PGS1: variants seen among roughly 807,000 people sequenced by gnomAD.
The protein encoded by PGS1 is CDP-diacylglycerol--glycerol-3-phosphate 3-phosphatidyltransferase, mitochondrial.
Under a neutral mutation model 58.3 loss-of-function variants are expected in PGS1, and 44 were observed. The ratio of observed to expected loss-of-function variants is 0.75; its 90% CI spans 0.59 to 0.97. PGS1 has a LOEUF of 0.97. Ranked by LOEUF, PGS1 falls within the 50% of genes least tolerant of loss-of-function variation. PGS1 has a pLI of 0.00. For missense variants in PGS1, 684 were observed against 731.1 expected (o/e 0.94, Z 0.74); for synonymous variants, 330 against 311.0 (o/e 1.06, Z -0.64).
intron 1 of PGS1, among the ~76,000 whole-genome samples, chr17:78,387,806 C>T (rs1000754187): frequency 6.6e-6 from 1 of 151,530 alleles, no homozygotes; most frequent in African/African-American, 2.4e-5. Flanking sequence ...CTATGTTGCC[C>T]AAGTTGGTCT....
intron 5 of PGS1, 32 bp downstream of exon 5, chr17:78,399,569 C>G (rs755051333): frequency 6.2e-7 from 1 of 1,608,250 alleles, no homozygotes; most frequent in Non-Finnish European, 8.5e-7. Flanking sequence ...TGCTTTTGCC[C>G]TCCTGCTCTG....
rs932150494 is a variant in PGS1, at chr17:78,400,963, G to T, written c.880+108G>T. Reference sequence around the variant, plus strand: ...GCCACAGGCATAGGGGACTTGGGTGGCAAGGCTTCATTCTGCTTTTGTCCT... The same window carrying T: ...GCCACAGGCATAGGGGACTTGGGTGTCAAGGCTTCATTCTGCTTTTGTCCT... On this transcript the variant is annotated intron_variant, in intron 6 of 9. Coordinates refer to ENST00000262764, the MANE Select transcript of PGS1 (RefSeq NM_024419.5). The surrounding 1 kb of genome is among the most constrained non-coding windows in gnomAD (Gnocchi z 4.4). 2.2e-6 allele frequency: 2 copies of T among 927,900 alleles called. No homozygotes were observed. The highest frequency in any genetic ancestry group is 3.2e-6 in the Non-Finnish European group (2 of 632,098). 57.5% of individuals were successfully genotyped at this position (927,900 alleles called of 1,614,324 possible). A position where few individuals can be genotyped will look rare whatever the true frequency, so the allele number is the denominator to read the frequency against.
chr17:78,379,869 T>C (rs1420328124), intron 1 of PGS1, among the ~76,000 whole-genome samples: 1 of 147,526 alleles, frequency 6.8e-6, no homozygotes, highest in Non-Finnish European at 1.5e-5. Context: ...AGTTTTCTTT[T>C]CTTTTCTTTT....
chr17:78,387,995 C>T (rs2082535019), intron 1 of PGS1, among the ~76,000 whole-genome samples: 1 of 152,198 alleles, frequency 6.6e-6, no homozygotes. Flanking sequence ...CTTTTTTATG[C>T]ACCTTCCTTT....
intron 8 of PGS1, among the ~76,000 whole-genome samples, chr17:78,416,140 G>C (rs966662872): frequency 1.3e-5 from 2 of 152,158 alleles, no homozygotes; most frequent in Non-Finnish European, 2.9e-5. Flanking sequence ...TCACGACCAC[G>C]ACAGGCGCAA....
chr17:78,412,218 CT>C (rs1305424862), intron 7 of PGS1, among the ~76,000 whole-genome samples: 2 of 152,088 alleles, frequency 1.3e-5, no homozygotes, highest in Non-Finnish European at 2.9e-5. Context: ...ATGCTGTCTA[CT>C]TAGGGCTCCC....
At chr17:78,393,198 C>CT (rs2082958582) in intron 2 of PGS1, among the ~76,000 whole-genome samples, 1 of 152,010 alleles carries the variant, frequency 6.6e-6, no homozygotes, top group South Asian at 2.1e-4. Context: ...ATAGCTGGGA[C>CT]TACAGGCGCC....
chr17:78,424,038 C>A, intron 9 of PGS1, 23 bp from the exon 10 acceptor site: 2 of 1,613,938 alleles, frequency 1.2e-6, no homozygotes, highest in South Asian at 2.2e-5. Context: ...CATAGATGTT[C>A]TTGGTCTCCA....
chr17:78,378,948 G>A (rs2081833423), intron 1 of PGS1, 140 bp downstream of exon 1: 1 of 941,508 alleles, frequency 1.1e-6, no homozygotes, highest in Non-Finnish European at 1.5e-6. Context: ...GCCTCCCGGG[G>A]CTCGGCGCCT....
chr17:78,397,082 C>T (rs543211006), intron 3 of PGS1, among the ~76,000 whole-genome samples: 22 of 152,342 alleles, frequency 1.4e-4, no homozygotes, highest in East Asian at 7.7e-4. Flanking sequence ...TTGTTTCCCT[C>T]GGACTTGCTG....
chr17:78,391,769 C>T (rs573130236), intron 1 of PGS1, among the ~76,000 whole-genome samples: 43 of 152,192 alleles, frequency 2.8e-4, no homozygotes, highest in African/African-American at 1.0e-3. Flanking sequence ...TGAGCCACTG[C>T]ACCCAGCCTG....
Position 78,424,405 on chromosome 17 carries a change from T to C in PGS1, c.*355T>C. Reference sequence around the variant, plus strand: ...CTCGGGTTCCATCCGTTTAAATCTGTGGCATTTTCAGAGCCTCATCTGTCA... The same window carrying C: ...CTCGGGTTCCATCCGTTTAAATCTGCGGCATTTTCAGAGCCTCATCTGTCA... On this transcript the variant is annotated 3_prime_UTR_variant, in exon 10 of 10. Coordinates refer to ENST00000262764, the MANE Select transcript of PGS1 (RefSeq NM_024419.5). 2.2e-6 allele frequency: 1 copy of C among 451,174 alleles called. No homozygotes were observed. Among genetic ancestry groups the C allele is most frequent in the East Asian group, 3.5e-5 (1 of 28,868 alleles). 27.9% of individuals were successfully genotyped at this position (451,174 alleles called of 1,614,324 possible). A position where few individuals can be genotyped will look rare whatever the true frequency, so the allele number is the denominator to read the frequency against.
chr17:78,413,910 G>GC (rs531953666), intron 7 of PGS1, among the ~76,000 whole-genome samples: 13 of 152,294 alleles, frequency 8.5e-5, no homozygotes, highest in East Asian at 3.9e-4. Context: ...TCGTAGTGTG[G>GC]CCCCCCCTGC....
intron 9 of PGS1, 166 bp downstream of exon 9, chr17:78,419,841 A>G: frequency 7.2e-7 from 1 of 1,397,486 alleles, no homozygotes; most frequent in Non-Finnish European, 9.4e-7. Context: ...TCAAAGTTAG[A>G]AGCTGGATGC....
At chr17:78,399,574 G>A (rs748281183) in intron 5 of PGS1, 37 bp downstream of exon 5, 7 of 1,602,202 alleles carry the variant, frequency 4.4e-6, no homozygotes, top group Admixed American at 1.7e-5. Context: ...TTGCCCTCCT[G>A]CTCTGCAGGC....
At chr17:78,415,281 C>T (rs1274606950) in intron 8 of PGS1, among the ~76,000 whole-genome samples, 6 of 152,204 alleles carry the variant, frequency 3.9e-5, no homozygotes. Context: ...CTAGGGGAGA[C>T]CACCATTTTC....
chr17:78,410,421 T>A (rs1170500585), intron 7 of PGS1, among the ~76,000 whole-genome samples: 1 of 141,778 alleles, frequency 7.1e-6, no homozygotes, highest in Non-Finnish European at 1.5e-5. Flanking sequence ...AAGACGAAAC[T>A]CTGTCTCAAA....
chr17:78,419,017 G>T (rs1239321275), intron 8 of PGS1, among the ~76,000 whole-genome samples: 2 of 148,678 alleles, frequency 1.3e-5, no homozygotes, highest in Non-Finnish European at 3.0e-5. Context: ...AGCCTTTTGG[G>T]TTTTTTTTTT....
intron 3 of PGS1, among the ~76,000 whole-genome samples, chr17:78,397,237 T>G (rs1360762873): frequency 9.1e-6 from 1 of 109,502 alleles, no homozygotes; most frequent in Non-Finnish European, 2.1e-5. Context: ...GTGAATGAGA[T>G]CACTGCTTTC....
Sources: gnomAD v4.1 joint callset for allele counts (sites outside exome capture counted in the v4.1 genomes callset) on GRCh38, gnomAD v4.1.1 for gene constraint, Gnocchi (gnomAD v3.1) non-coding constraint, MANE v1.5 for transcripts, NCBI Gene and HGNC (gene_info 2026-07-23, HGNC 2026-07-21) for gene names.